Variants in WAPL observed in about 807,000 individuals in gnomAD.
The protein encoded by WAPL is WAPL cohesin release factor.
WAPL carries 5 observed loss-of-function variants against 121.0 expected under a neutral mutation model. That is an observed-to-expected ratio of 0.04 (90% CI 0.02 to 0.09). WAPL has a LOEUF of 0.09. WAPL is among the 10% of genes least tolerant of loss of function. The pLI, the probability that WAPL is intolerant of heterozygous loss-of-function variation, is 1.00. For missense variants in WAPL, 999 were observed against 1,410.8 expected (o/e 0.71, Z 4.68); for synonymous variants, 480 against 481.5 (o/e 1.00, Z 0.04).
chr10:86,485,099 CT>C (rs1211396412), intron 4 of WAPL, among the ~76,000 whole-genome samples: 2 of 150,214 alleles, frequency 1.3e-5, no homozygotes, highest in Non-Finnish European at 3.0e-5. Flanking sequence ...CCCTACCCCC[CT>C]CCTTCCCATC....
intron 12 of WAPL, among the ~76,000 whole-genome samples, chr10:86,454,935 A>C (rs1249546092): frequency 7.1e-6 from 1 of 140,618 alleles, no homozygotes; most frequent in Non-Finnish European, 1.5e-5. Context: ...ACCCCGTCTG[A>C]GAAGTGAGGA....
At chr10:86,494,454 C>A (rs1842112423) in intron 4 of WAPL, among the ~76,000 whole-genome samples, 1 of 152,082 alleles carries the variant, frequency 6.6e-6, no homozygotes, top group Non-Finnish European at 1.5e-5. Context: ...AATCTGTTAC[C>A]ATCAGTTGTT....
chr10:86,515,996 G>A (rs1183482158), intron 2 of WAPL, among the ~76,000 whole-genome samples: 2 of 149,486 alleles, frequency 1.3e-5, no homozygotes, highest in Non-Finnish European at 3.0e-5. Context: ...CTCCGTAGTA[G>A]GTGGGATTTA....
At chr10:86,490,829 G>A (rs756644725) in intron 4 of WAPL, among the ~76,000 whole-genome samples, 6 of 152,008 alleles carry the variant, frequency 3.9e-5, no homozygotes, top group Admixed American at 6.6e-5. Flanking sequence ...TTGGGAGGCC[G>A]AGGCAGGTGG....
intron 16 of WAPL, chr10:86,443,602 C>A: frequency 2.3e-6 from 1 of 441,102 alleles, no homozygotes; most frequent in Non-Finnish European, 4.0e-6. Flanking sequence ...ACACAATTAA[C>A]AAACTGAAAA....
chr10:86,504,953 C>G (rs954845440), intron 2 of WAPL, among the ~76,000 whole-genome samples: 7 of 152,098 alleles, frequency 4.6e-5, no homozygotes. Context: ...CCACTCATCT[C>G]TTAAAAGATA....
chr10:86,451,397 T>G (rs1486166608), intron 15 of WAPL, among the ~76,000 whole-genome samples: 1 of 152,128 alleles, frequency 6.6e-6, no homozygotes, highest in Non-Finnish European at 1.5e-5. Context: ...ACCACCTTTT[T>G]TTTTTTTTGG....
chr10:86,481,343 G>A (rs1841779257), intron 4 of WAPL, among the ~76,000 whole-genome samples: 1 of 152,020 alleles, frequency 6.6e-6, no homozygotes. Flanking sequence ...GTGCAAAACA[G>A]GACATATAGA....
intron 17 of WAPL, among the ~76,000 whole-genome samples, chr10:86,442,157 G>A (rs1011391277): frequency 6.6e-6 from 1 of 152,206 alleles, no homozygotes. Flanking sequence ...TCAGCCTCCC[G>A]AGTAGCTGAG....
At position 86,507,365 on chromosome 10, in the gene WAPL, C is replaced by CAAAAA. The variant is rs34752630; in HGVS notation, c.500-6627_500-6623dup. On this transcript the variant is annotated intron_variant, in intron 2 of 18. Transcript: ENST00000298767. ...CCTGGGCGTCAGCGAGACTCTGTCT[C>CAAAAA]AAAAAAAAAAAAAAAAAAAAAAAAT... 2.8e-3 allele frequency among the ~76,000 whole-genome samples: 216 copies of CAAAAA among 77,542 alleles called. 3 individuals are homozygous for CAAAAA. The highest frequency in any genetic ancestry group is 0.024 in the Middle Eastern group (3 of 126). 50.9% of individuals were successfully genotyped at this position (77,542 alleles called of 152,430 possible). A position where few individuals can be genotyped will look rare whatever the true frequency, so the allele number is the denominator to read the frequency against.
At chr10:86,445,377 C>T (rs991606352) in intron 16 of WAPL, among the ~76,000 whole-genome samples, 4 of 152,138 alleles carry the variant, frequency 2.6e-5, no homozygotes, top group African/African-American at 9.6e-5. Context: ...GTATGGAGGG[C>T]GGACTGAACT....
Position 86,467,322 on chromosome 10 carries a change from C to A in WAPL, c.2327G>T (p.Cys776Phe). 6.2e-7 allele frequency: 1 copy of A among 1,614,102 alleles called. No homozygotes were observed. Among genetic ancestry groups the A allele is most frequent in the Non-Finnish European group, 8.5e-7 (1 of 1,180,018 alleles). ...AAGATGCTTGTTGTGTACAGTTTCA[C>A]AGAGCCTTCGGATTTTTTCTTTAAT... ...NKIKEKIRRL[C>F]ETVHNKHLDL... Residue 776 changes from cysteine (C) to phenylalanine (F), a missense_variant, in exon 9 of 19, where the codon TGT becomes TTT. Transcript: ENST00000298767.
Position 86,500,539 on chromosome 10 carries a change from C to G in WAPL, c.704G>C (p.Gly235Ala). ...AAAATCATTATCCCATTCAAACAAACCAGTTCTAACAGATCCCTTGATTGG... is the reference window on the plus strand; with the variant it reads ...AAAATCATTATCCCATTCAAACAAAGCAGTTCTAACAGATCCCTTGATTGG... ...ISPIKGSVRT[G>A]LFEWDNDFED... Residue 235 changes from glycine to alanine, a missense_variant, in exon 3 of 19, where the codon GGT (glycine) becomes GCT (alanine). Transcript: ENST00000298767. 6.2e-7 allele frequency: 1 copy of G among 1,614,042 alleles called. No individual in the cohort carries two copies. Among genetic ancestry groups the G allele is most frequent in the South Asian group, 1.1e-5 (1 of 91,032 alleles).
chr10:86,516,973 C>G (rs1408306057), intron 2 of WAPL, among the ~76,000 whole-genome samples: 1 of 151,998 alleles, frequency 6.6e-6, no homozygotes, highest in African/African-American at 2.4e-5. Flanking sequence ...GTCCCAGCTA[C>G]TCGGGAGGCT....
intron 12 of WAPL, among the ~76,000 whole-genome samples, chr10:86,456,177 C>A (rs1044672833): frequency 2.0e-5 from 3 of 152,100 alleles, no homozygotes; most frequent in African/African-American, 4.8e-5. Context: ...GAGAGAAGGA[C>A]CTTAGTTAAG....
At position 86,437,484 on chromosome 10, in the gene WAPL, TTTTC is replaced by T. The variant is rs1849353170; in HGVS notation, c.*55_*58del. ...TCAAGGACTTCTTTCATGACTTGACTTTTCTTTGTCTAAGGATAGCTCCAGCATT... is the reference window on the plus strand; with the variant it reads ...TCAAGGACTTCTTTCATGACTTGACTTTTGTCTAAGGATAGCTCCAGCATT... On this transcript the variant is annotated 3_prime_UTR_variant, in exon 19 of 19. Transcript: ENST00000298767. 3 of 1,567,014 alleles carry T rather than the reference TTTTC, an allele frequency of 1.9e-6. No homozygotes were observed. In the Admixed American group the frequency reaches 5.6e-5, roughly 29 times the overall value.
At chr10:86,440,791 G>GC (rs1322953252) in intron 17 of WAPL, among the ~76,000 whole-genome samples, 1 of 151,396 alleles carries the variant, frequency 6.6e-6, no homozygotes, top group Non-Finnish European at 1.5e-5. Flanking sequence ...CACAGAGTGG[G>GC]CTGTTGTATT....
At chr10:86,450,645 C>G (rs1840957561) in intron 15 of WAPL, among the ~76,000 whole-genome samples, 1 of 152,172 alleles carries the variant, frequency 6.6e-6, no homozygotes, top group African/African-American at 2.4e-5. Context: ...TAAATGGTAT[C>G]TGGAGACTAA....
At chr10:86,451,087 G>C (rs1428103093) in intron 15 of WAPL, among the ~76,000 whole-genome samples, 3 of 151,786 alleles carry the variant, frequency 2.0e-5, no homozygotes, top group Non-Finnish European at 4.4e-5. Flanking sequence ...AAGTGGATGT[G>C]ATGGGCCTGG....
Sources: gnomAD v4.1 joint callset for allele counts (sites outside exome capture counted in the v4.1 genomes callset) on GRCh38, gnomAD v4.1.1 for gene constraint, MANE v1.5 for transcripts, NCBI Gene and HGNC (gene_info 2026-07-23, HGNC 2026-07-21) for gene names.